NHEJ1: variants seen among roughly 807,000 people sequenced by gnomAD.
NHEJ1 encodes non-homologous end-joining factor 1.
In NHEJ1, 22 loss-of-function variants were observed where a neutral mutation model predicts 39.4. The observed-to-expected ratio is 0.56, with a 90% confidence interval of 0.40 to 0.80. The LOEUF is 0.80. NHEJ1 is among the 30% of genes least tolerant of loss of function. NHEJ1 has a pLI of 0.00. For missense variants in NHEJ1, 329 were observed against 357.1 expected (o/e 0.92, Z 0.63); for synonymous variants, 154 against 135.6 (o/e 1.14, Z -0.94).
chr2:219,136,542 G>A (rs930604236), intron 5 of NHEJ1, among the ~76,000 whole-genome samples: 13 of 152,006 alleles, frequency 8.6e-5, no homozygotes, highest in Non-Finnish European at 1.5e-4. Context: ...ACCCACCTCA[G>A]CCTCCCAAAC....
At chr2:219,133,417 A>G (rs1949597196) in intron 5 of NHEJ1, among the ~76,000 whole-genome samples, 1 of 152,260 alleles carries the variant, frequency 6.6e-6, no homozygotes, top group African/African-American at 2.4e-5. Context: ...GACCTTTAAA[A>G]AGGCTACAAC....
intron 5 of NHEJ1, among the ~76,000 whole-genome samples, chr2:219,091,035 A>T (rs529775881): frequency 6.6e-6 from 1 of 152,220 alleles, no homozygotes; most frequent in South Asian, 2.1e-4. Flanking sequence ...TCTAGCAAAT[A>T]TAAGTATCTA....
At chr2:219,137,310 C>T (rs1002915224) in intron 5 of NHEJ1, among the ~76,000 whole-genome samples, 2 of 152,016 alleles carry the variant, frequency 1.3e-5, no homozygotes, top group Non-Finnish European at 2.9e-5. Context: ...CATGATCTTC[C>T]TAGTCTATCA....
At chr2:219,082,318 TC>T (rs942646460) in intron 5 of NHEJ1, among the ~76,000 whole-genome samples, 4 of 152,222 alleles carry the variant, frequency 2.6e-5, no homozygotes, top group African/African-American at 9.7e-5. Context: ...CCCCTTCTTG[TC>T]CCTACTGCAG....
rs34180222 is a variant in NHEJ1 at position 219,159,513 on chromosome 2, T to TTA, written c.1-1153_1-1152dup. On this transcript the variant is annotated intron_variant, in intron 1 of 7. Coordinates refer to ENST00000356853, the MANE Select transcript of NHEJ1 (RefSeq NM_024782.3). The stretch of plus-strand genomic sequence containing the variant: ...TGCCCTTGTGACTTGTGACATAACT[T>TTA]TATATATATATGCATATATATATGC... Among the ~76,000 whole-genome samples the TTA allele has an allele frequency of 2.2e-3, 195 of 90,096 alleles. 11 individuals are homozygous for TTA. Among genetic ancestry groups the TTA allele is most frequent in the East Asian group, 3.7e-3 (9 of 2,464 alleles). 59.1% of individuals were successfully genotyped at this position (90,096 alleles called of 152,430 possible). A position where few individuals can be genotyped will look rare whatever the true frequency, so the allele number is the denominator to read the frequency against.
chr2:219,086,116 A>AG (rs544098118), intron 5 of NHEJ1, among the ~76,000 whole-genome samples: 93 of 152,356 alleles, frequency 6.1e-4, no homozygotes, highest in African/African-American at 2.0e-3. Flanking sequence ...GCTAGGTACT[A>AG]GGCTATGCAT....
intron 5 of NHEJ1, among the ~76,000 whole-genome samples, chr2:219,092,994 C>A (rs540197046): frequency 1.3e-5 from 2 of 152,300 alleles, no homozygotes; most frequent in African/African-American, 4.8e-5. Flanking sequence ...TTCTGCCTTA[C>A]AATTAATTGC....
intron 5 of NHEJ1, among the ~76,000 whole-genome samples, chr2:219,092,839 G>A (rs1949173460): frequency 6.6e-6 from 1 of 152,174 alleles, no homozygotes; most frequent in Non-Finnish European, 1.5e-5. Context: ...GGGGGGCAGA[G>A]ATAAGAGATC....
chr2:219,133,565 A>G (rs562100234), intron 5 of NHEJ1, among the ~76,000 whole-genome samples: 1 of 152,376 alleles, frequency 6.6e-6, no homozygotes, highest in South Asian at 2.1e-4. Flanking sequence ...GGCAAAAGTG[A>G]TAAGTGACAC....
At chr2:219,119,050 T>C (rs546301900) in intron 5 of NHEJ1, among the ~76,000 whole-genome samples, 26 of 152,278 alleles carry the variant, frequency 1.7e-4, no homozygotes, top group Admixed American at 1.4e-3. Flanking sequence ...CAAACCACTT[T>C]CCCTGTCTTC....
chr2:219,095,144 G>A (rs1949194229), intron 5 of NHEJ1: 2 of 382,952 alleles, frequency 5.2e-6, no homozygotes, highest in Non-Finnish European at 1.1e-5. Flanking sequence ...GGCAGTGGGT[G>A]TGGCTAAGGA....
intron 5 of NHEJ1, among the ~76,000 whole-genome samples, chr2:219,115,728 C>T (rs1245051564): frequency 2.6e-5 from 4 of 152,166 alleles, no homozygotes; most frequent in South Asian, 2.1e-4. Context: ...AAGTCCACTC[C>T]GACAACTCAT....
rs5838720 is a variant in NHEJ1 at position 219,159,526 on chromosome 2, C to CATAT, written c.1-1168_1-1165dup. Among the ~76,000 whole-genome samples the CATAT allele has an allele frequency of 4.0e-4, 17 of 42,090 alleles. 5 individuals are homozygous for CATAT. Among genetic ancestry groups the CATAT allele is most frequent in the East Asian group, 8.2e-4 (1 of 1,224 alleles). The allele number at this position is 42,090 out of a possible 152,430, so 27.6% of individuals were successfully genotyped here. On this transcript the variant is annotated intron_variant, in intron 1 of 7. Coordinates refer to ENST00000356853, the MANE Select transcript of NHEJ1 (RefSeq NM_024782.3). ...TGTGACATAACTTTATATATATATG[C>CATAT]ATATATATATGCATATATATATATG...
chr2:219,092,481 A>G (rs1949169411), intron 5 of NHEJ1, among the ~76,000 whole-genome samples: 1 of 152,230 alleles, frequency 6.6e-6, no homozygotes, highest in Admixed American at 6.5e-5. Flanking sequence ...GTATTTCAAG[A>G]TATCTGCAGC....
chr2:219,080,033 C>T (rs1949048065), intron 5 of NHEJ1, among the ~76,000 whole-genome samples: 1 of 152,152 alleles, frequency 6.6e-6, no homozygotes, highest in South Asian at 2.1e-4. Flanking sequence ...TTCAGGGCGA[C>T]CTTCACTCAG....
rs994624707 is a variant in NHEJ1, at chr2:219,070,718, T to C, written c.*5663A>G. ...TTAATTCAAAATACCATTGTACAGCTTATCCTTCTGAAATGATCTATTCCC... is the reference window on the plus strand; with the variant it reads ...TTAATTCAAAATACCATTGTACAGCCTATCCTTCTGAAATGATCTATTCCC... On this transcript the variant is annotated 3_prime_UTR_variant, in exon 8 of 8. Coordinates refer to ENST00000356853, the MANE Select transcript of NHEJ1 (RefSeq NM_024782.3). Among the ~76,000 whole-genome samples, 1 of 152,138 alleles carries C rather than the reference T, an allele frequency of 6.6e-6. No individual in the cohort carries two copies. The highest frequency in any genetic ancestry group is 2.4e-5 in the African/African-American group (1 of 41,428).
chr2:219,103,139 C>A (rs1458057749), intron 5 of NHEJ1, among the ~76,000 whole-genome samples: 9 of 148,462 alleles, frequency 6.1e-5, no homozygotes, highest in Non-Finnish European at 1.2e-4. Flanking sequence ...TGAGATCACA[C>A]CATTGCACTC....
At chr2:219,085,145 T>C (rs907833919) in intron 5 of NHEJ1, among the ~76,000 whole-genome samples, 1 of 152,106 alleles carries the variant, frequency 6.6e-6, no homozygotes, top group African/African-American at 2.4e-5. Flanking sequence ...AGTCAAATGG[T>C]TTTTGATGGG....
At chr2:219,131,915 C>T (rs1949582594) in intron 5 of NHEJ1, among the ~76,000 whole-genome samples, 1 of 152,230 alleles carries the variant, frequency 6.6e-6, no homozygotes, top group Admixed American at 6.5e-5. Context: ...ACAGGTGTAA[C>T]ACGTGGCAAG....
Sources: allele counts gnomAD v4.1 joint callset (sites outside exome capture counted in the v4.1 genomes callset), GRCh38; gene constraint gnomAD v4.1.1; transcripts MANE v1.5; gene names NCBI Gene and HGNC (gene_info 2026-07-23, HGNC 2026-07-21).